The following SLC7A2 variants were observed in gnomAD, a reference collection of about 807,000 sequenced individuals.
The protein encoded by SLC7A2 is cationic amino acid transporter 2.
In SLC7A2, 48 loss-of-function variants were observed where a neutral mutation model predicts 58.9. The observed-to-expected ratio is 0.82, with a 90% confidence interval of 0.65 to 1.04. The LOEUF (loss-of-function observed/expected upper bound fraction) is 1.04. Among genes scored for constraint, SLC7A2 ranks in the 50% least tolerant of loss-of-function variants. The probability of loss-of-function intolerance (pLI) is 0.00; values close to 1 mark genes in which losing one functional copy is unlikely to be tolerated. For missense variants in SLC7A2, 1,029 were observed against 818.8 expected (o/e 1.26, Z -3.13); for synonymous variants, 363 against 314.5 (o/e 1.15, Z -1.63).
At chr8:17,509,392 G>A (rs1026705026) in intron 2 of SLC7A2, among the ~76,000 whole-genome samples, 2 of 151,912 alleles carry the variant, frequency 1.3e-5, no homozygotes, top group African/African-American at 2.4e-5. Flanking sequence ...TGCAACCTCC[G>A]CCTCCCTGGT....
chr8:17,527,024 C>G (rs1021323843), intron 2 of SLC7A2, among the ~76,000 whole-genome samples: 1 of 151,808 alleles, frequency 6.6e-6, no homozygotes, highest in Admixed American at 6.6e-5. Context: ...GGTGGCATGC[C>G]ATGGTACTCT....
chr8:17,498,033 T>C (rs1052933598), intron 1 of SLC7A2, among the ~76,000 whole-genome samples: 1 of 152,166 alleles, frequency 6.6e-6, no homozygotes, highest in African/African-American at 2.4e-5. Context: ...AAAAGAAATA[T>C]GCTCAGCAAA....
intron 5 of SLC7A2, among the ~76,000 whole-genome samples, chr8:17,549,321 C>A (rs1802334740): frequency 6.6e-6 from 1 of 152,136 alleles, no homozygotes; most frequent in East Asian, 1.9e-4. Context: ...CTTCTGAGAC[C>A]CTTCTGAGAG....
At position 17,554,613 on chromosome 8, in the gene SLC7A2, A is replaced by T. The variant is rs1401806240; in HGVS notation, c.1109A>T (p.Asp370Val). 2 of 1,613,402 alleles carry T rather than the reference A, an allele frequency of 1.2e-6. No homozygotes were observed. The highest frequency in any genetic ancestry group is 1.7e-6 in the Non-Finnish European group (2 of 1,179,824). Residue 370 changes from aspartate (D) to valine (V), a missense_variant, in exon 8 of 13, where the codon GAT becomes GTT. Transcript: ENST00000494857. ...MPRVIYAMAEDGLLFKCLAQI... is the reference protein window; with the variant it reads ...MPRVIYAMAEVGLLFKCLAQI... ...CGTGTAATCTATGCTATGGCGGAGG[A>T]TGGGTTGCTTTTCAAATGTCTAGCT...
chr8:17,562,201 T>C, intron 11 of SLC7A2, 91 bp downstream of exon 11: 6 of 269,060 alleles, frequency 2.2e-5, no homozygotes. Context: ...TTTTTTTTTT[T>C]TTTTTTTTTT....
At chr8:17,501,709 A>G (rs896090601) in intron 1 of SLC7A2, among the ~76,000 whole-genome samples, 13 of 152,064 alleles carry the variant, frequency 8.5e-5, no homozygotes, top group Admixed American at 2.6e-4. Flanking sequence ...CTCCTGCAAA[A>G]CATAAAATAT....
chr8:17,533,180 T>C (rs2517245), intron 2 of SLC7A2, among the ~76,000 whole-genome samples: 122,482 of 151,990 alleles, frequency 0.81, 50,592 homozygotes, highest in Non-Finnish European at 0.9. Context: ...AGTATGAACT[T>C]GCAAACTTCT....
intron 1 of SLC7A2, chr8:17,498,610 T>G (rs545552597): frequency 1.3e-5 from 2 of 152,368 alleles, no homozygotes; most frequent in African/African-American, 4.8e-5. Context: ...TTATTGTGAT[T>G]TTTCAAGTTT....
chr8:17,536,865 C>T (rs1182260989), intron 2 of SLC7A2, among the ~76,000 whole-genome samples: 1 of 152,110 alleles, frequency 6.6e-6, no homozygotes, highest in African/African-American at 2.4e-5. Context: ...ACAGAGACCA[C>T]TCTAAATAGC....
intron 7 of SLC7A2, among the ~76,000 whole-genome samples, chr8:17,552,696 G>A (rs1375624593): frequency 1.3e-5 from 2 of 151,908 alleles, no homozygotes; most frequent in East Asian, 1.9e-4. Context: ...AAGGGTCATT[G>A]AATCCCAAGT....
intron 10 of SLC7A2, 117 bp downstream of exon 10, chr8:17,560,650 C>A: frequency 1.2e-6 from 1 of 822,960 alleles, no homozygotes; most frequent in Non-Finnish European, 2.0e-6. Flanking sequence ...TTAGCAACCA[C>A]CCTGAAATTT....
chr8:17,561,521 T>C (rs1011704516), intron 10 of SLC7A2, among the ~76,000 whole-genome samples: 5 of 152,062 alleles, frequency 3.3e-5, no homozygotes, highest in Non-Finnish European at 5.9e-5. Context: ...CAAAATGAGA[T>C]TTGGGTGGGG....
intron 2 of SLC7A2, among the ~76,000 whole-genome samples, chr8:17,538,074 GC>G (rs769041518): frequency 2.5e-4 from 38 of 152,218 alleles, no homozygotes; most frequent in Non-Finnish European, 5.4e-4. Flanking sequence ...TTCTCTATCA[GC>G]CCTTTATTTG....
chr8:17,562,751 T>C (rs1803080497), intron 11 of SLC7A2, among the ~76,000 whole-genome samples: 1 of 152,230 alleles, frequency 6.6e-6, no homozygotes, highest in South Asian at 2.1e-4. Context: ...TAAACAAATT[T>C]CATGTTAAAG....
At chr8:17,539,714 T>C (rs1486599529) in intron 2 of SLC7A2, among the ~76,000 whole-genome samples, 5 of 152,134 alleles carry the variant, frequency 3.3e-5, no homozygotes, top group African/African-American at 1.2e-4. Context: ...TATGAGTCCT[T>C]GGTCACAGTA....
intron 2 of SLC7A2, among the ~76,000 whole-genome samples, chr8:17,539,822 GC>G (rs1431495670): frequency 2.0e-5 from 3 of 152,042 alleles, no homozygotes; most frequent in Admixed American, 6.6e-5. Context: ...CAAAACCCCT[GC>G]ATTGTATCTC....
At position 17,544,522 on chromosome 8, in the gene SLC7A2, T is replaced by TAC; in HGVS notation, c.448_449insAC (p.Leu150TyrfsTer2). The stretch of plus-strand genomic sequence containing the variant: ...TCTTAGCAAACAGATTGGTCAGTTT[T>TAC]TGAGGACATACTTCAGAATGAATTA... On this transcript the variant is annotated frameshift_variant, in exon 4 of 13. Coordinates refer to ENST00000494857, the MANE Select transcript of SLC7A2 (RefSeq NM_001370338.1). LOFTEE classifies it high-confidence loss of function. The TAC allele has an allele frequency of 6.2e-7, 1 of 1,614,084 alleles. No individual in the cohort carries two copies. The highest frequency in any genetic ancestry group is 1.7e-5 in the Admixed American group (1 of 60,014).
chr8:17,501,158 C>T (rs183857675), intron 1 of SLC7A2, among the ~76,000 whole-genome samples: 107 of 152,136 alleles, frequency 7.0e-4, no homozygotes, highest in African/African-American at 2.4e-3. Flanking sequence ...GGATTACAGG[C>T]GTGTGCCACC....
intron 2 of SLC7A2, among the ~76,000 whole-genome samples, chr8:17,521,822 A>G (rs1210461422): frequency 6.6e-6 from 1 of 152,212 alleles, no homozygotes; most frequent in Admixed American, 6.5e-5. Context: ...AATCAAACCC[A>G]AATGTGGAAG....
Sources: allele counts gnomAD v4.1 joint callset (sites outside exome capture counted in the v4.1 genomes callset), GRCh38; gene constraint gnomAD v4.1.1; transcripts MANE v1.5; gene names NCBI Gene and HGNC (gene_info 2026-07-23, HGNC 2026-07-21).